The following C12orf42 variants were observed in gnomAD, a reference collection of about 807,000 sequenced individuals.
C12orf42 encodes the protein chromosome 12 open reading frame 42, also known as uncharacterized protein C12orf42.
A neutral mutation model predicts 21.6 loss-of-function variants in C12orf42; 25 were observed. The observed-to-expected ratio is 1.16, with a 90% CI of 0.84 to 1.62. The LOEUF (loss-of-function observed/expected upper bound fraction) is 1.62, where lower values mean the gene tolerates loss of function less well. Ranked by LOEUF, C12orf42 falls within the 40% of genes most tolerant of loss-of-function variation. The probability of loss-of-function intolerance (pLI) is 0.00; values close to 1 mark genes in which losing one functional copy is unlikely to be tolerated. For synonymous variants in C12orf42, 174 were observed against 175.0 expected (o/e 0.99, Z 0.05); for missense variants, 483 against 459.3 (o/e 1.05, Z -0.47).
chr12:103,553,675 C>G, the C12orf42 span, among the ~76,000 whole-genome samples: 1 of 152,174 alleles, frequency 6.6e-6, no homozygotes, highest in Non-Finnish European at 1.5e-5. Flanking sequence ...GTGCAGCCTC[C>G]CAGTCCCCAC....
chr12:103,202,504 T>A, the C12orf42 span, among the ~76,000 whole-genome samples: 4 of 152,332 alleles, frequency 2.6e-5, no homozygotes, highest in Admixed American at 1.3e-4. Context: ...CCATTGAGTG[T>A]TAACAGTTGA....
At chr12:103,105,690 A>T in the C12orf42 span, among the ~76,000 whole-genome samples, 544 of 152,344 alleles carry the variant, frequency 3.6e-3, 1 homozygote, top group African/African-American at 0.012. Flanking sequence ...CTGAAAACTC[A>T]GACAGTAGAT....
chr12:103,495,532 T>G (rs892762830), intron 1 of C12orf42, among the ~76,000 whole-genome samples: 4 of 151,774 alleles, frequency 2.6e-5, no homozygotes, highest in Non-Finnish European at 5.9e-5. Context: ...TGGGCCGCGC[T>G]CGCCTCCGCG....
the C12orf42 span, among the ~76,000 whole-genome samples, chr12:103,097,573 AC>A: frequency 6.6e-6 from 1 of 152,338 alleles, no homozygotes; most frequent in South Asian, 2.1e-4. Flanking sequence ...TGCTGCTTTA[AC>A]ATTTTGCACT....
chr12:103,350,679 A>G (rs1398859420), intron 4 of C12orf42, among the ~76,000 whole-genome samples: 1 of 152,122 alleles, frequency 6.6e-6, no homozygotes, highest in East Asian at 1.9e-4. Context: ...CAACTCTTAT[A>G]CTTTTTCAGT....
At chr12:103,471,553 A>G (rs1953607689) in intron 2 of C12orf42, among the ~76,000 whole-genome samples, 2 of 152,228 alleles carry the variant, frequency 1.3e-5, no homozygotes, top group African/African-American at 4.8e-5. Context: ...TCATATTAAC[A>G]TATTTTGCTG....
rs575419956 is a variant in C12orf42 at position 103,470,472 on chromosome 12, G to T, written c.78+7877C>A. 2.5e-4 allele frequency among the ~76,000 whole-genome samples: 38 copies of T among 152,244 alleles called. No individual in the cohort carries two copies. In the South Asian group the frequency reaches 7.9e-3, roughly 32 times the overall value. ...ATGGTGAGAACATGAAGGTATAAAG[G>T]CCACAACTAAAGATTTTGCTTGTTA... On this transcript the variant is annotated intron_variant, in intron 2 of 5. Transcript: ENST00000548883.
chr12:103,419,121 A>G (rs2049633695), intron 2 of C12orf42, among the ~76,000 whole-genome samples: 1 of 152,194 alleles, frequency 6.6e-6, no homozygotes, highest in South Asian at 2.1e-4. Flanking sequence ...AAATGCTATC[A>G]TCTTTCAATG....
At chr12:103,126,752 A>G in the C12orf42 span, among the ~76,000 whole-genome samples, 4 of 152,182 alleles carry the variant, frequency 2.6e-5, no homozygotes, top group African/African-American at 9.6e-5. Flanking sequence ...TTCCGAAATA[A>G]GACTGTTCGC....
At chr12:103,127,610 A>AT in the C12orf42 span, among the ~76,000 whole-genome samples, 1 of 152,192 alleles carries the variant, frequency 6.6e-6, no homozygotes, top group Admixed American at 6.5e-5. Flanking sequence ...ATCAGTGGAC[A>AT]TTAGGCAGTA....
chr12:103,155,264 G>A, the C12orf42 span: 2 of 152,164 alleles, frequency 1.3e-5, no homozygotes. Context: ...AACCACATTT[G>A]AACAGGTGAG....
intron 2 of C12orf42, among the ~76,000 whole-genome samples, chr12:103,449,904 T>C (rs1951830310): frequency 6.6e-6 from 1 of 151,552 alleles, no homozygotes; most frequent in Non-Finnish European, 1.5e-5. Context: ...CAAATATAAA[T>C]ATATTTTATT....
chr12:103,125,460 C>T, the C12orf42 span, among the ~76,000 whole-genome samples: 28 of 151,994 alleles, frequency 1.8e-4, no homozygotes, highest in Non-Finnish European at 3.5e-4. Context: ...GAAGAATGCA[C>T]AATATATAAG....
At chr12:103,255,663 A>G (rs2034525099) in intron 10 of C12orf42, among the ~76,000 whole-genome samples, 1 of 152,052 alleles carries the variant, frequency 6.6e-6, no homozygotes, top group African/African-American at 2.4e-5. Flanking sequence ...AATATGTTAA[A>G]CCACCCATAT....
the C12orf42 span, among the ~76,000 whole-genome samples, chr12:103,119,845 A>C: frequency 2.0e-5 from 3 of 152,216 alleles, no homozygotes; most frequent in Admixed American, 2.0e-4. Context: ...TTATGATATA[A>C]AGACTTAGGC....
the C12orf42 span, among the ~76,000 whole-genome samples, chr12:103,099,633 A>G: frequency 1.3e-5 from 2 of 152,208 alleles, no homozygotes; most frequent in African/African-American, 2.4e-5. Context: ...ACATCCAAGG[A>G]GAGCAGATTT....
intron 3 of C12orf42, among the ~76,000 whole-genome samples, chr12:103,383,359 C>T (rs1235237069): frequency 6.6e-6 from 1 of 152,138 alleles, no homozygotes; most frequent in African/African-American, 2.4e-5. Flanking sequence ...CTATTTTGGC[C>T]TCCCAAAGTG....
chr12:103,436,046 G>A (rs539424119), intron 2 of C12orf42, among the ~76,000 whole-genome samples: 181 of 152,094 alleles, frequency 1.2e-3, no homozygotes, highest in African/African-American at 3.8e-3. Flanking sequence ...GACTAACAGC[G>A]GATCTCTCGG....
intron 4 of C12orf42, among the ~76,000 whole-genome samples, chr12:103,350,709 C>T (rs933295578): frequency 2.6e-5 from 4 of 152,138 alleles, no homozygotes; most frequent in African/African-American, 9.6e-5. Context: ...TACTCTTCTG[C>T]AGGAACCTCA....
Sources: allele counts gnomAD v4.1 joint callset (sites outside exome capture counted in the v4.1 genomes callset), GRCh38; gene constraint gnomAD v4.1.1; transcripts MANE v1.5; gene names NCBI Gene and HGNC (gene_info 2026-07-23, HGNC 2026-07-21).